TNFRSF10D: variants seen among roughly 807,000 people sequenced by gnomAD.
TNFRSF10D encodes the protein tumor necrosis factor receptor superfamily member 10D.
TNFRSF10D carries 28 observed loss-of-function variants against 42.1 expected under a neutral mutation model. The observed-to-expected ratio is 0.66, with a 90% CI of 0.49 to 0.91. The LOEUF (loss-of-function observed/expected upper bound fraction) is 0.91. Ranked by LOEUF, TNFRSF10D falls within the 40% of genes least tolerant of loss-of-function variation. TNFRSF10D has a pLI of 0.00. For synonymous variants in TNFRSF10D, 186 were observed against 189.4 expected, an observed-to-expected ratio of 0.98 and a Z score of 0.15; for missense variants, 503 against 486.1, an observed-to-expected ratio of 1.03 and a Z score of -0.33.
At chr8:23,150,661 G>A (rs144736287) in intron 2 of TNFRSF10D, among the ~76,000 whole-genome samples, 936 of 152,182 alleles carry the variant, frequency 6.2e-3, no homozygotes, top group African/African-American at 0.019. Context: ...GTCATGTCAG[G>A]AAAACAATAC....
At chr8:23,143,537 T>C (rs1378332404) in intron 7 of TNFRSF10D, among the ~76,000 whole-genome samples, 34 of 150,186 alleles carry the variant, frequency 2.3e-4, no homozygotes, top group Admixed American at 2.2e-3. Context: ...TTTATTTCCT[T>C]ACCTTTTTAT....
chr8:23,149,102 A>G (rs1206198015), intron 2 of TNFRSF10D, among the ~76,000 whole-genome samples: 3 of 144,134 alleles, frequency 2.1e-5, no homozygotes, highest in Non-Finnish European at 4.5e-5. Flanking sequence ...AGGCAGGAGA[A>G]TGGCGTGAAC....
intron 6 of TNFRSF10D, 38 bp from the exon 7 acceptor site, chr8:23,144,673 G>C: frequency 6.3e-7 from 1 of 1,594,888 alleles, no homozygotes; most frequent in East Asian, 2.2e-5. Flanking sequence ...TCCACACCCC[G>C]GGCTCAGCTT....
intron 1 of TNFRSF10D, among the ~76,000 whole-genome samples, chr8:23,156,503 T>C (rs1247268254): frequency 6.6e-6 from 1 of 152,128 alleles, no homozygotes; most frequent in Non-Finnish European, 1.5e-5. Flanking sequence ...TCTGTCACCT[T>C]TCTCTGCTCT....
intron 4 of TNFRSF10D, 60 bp downstream of exon 4, chr8:23,146,901 G>C (rs992106869): frequency 7.5e-5 from 103 of 1,370,478 alleles, no homozygotes; most frequent in Non-Finnish European, 1.1e-4. Flanking sequence ...AGAGGTACCA[G>C]GTGAATCAGG....
At chr8:23,142,583 C>T (rs1005428668) in intron 7 of TNFRSF10D, among the ~76,000 whole-genome samples, 2 of 152,080 alleles carry the variant, frequency 1.3e-5, no homozygotes, top group Non-Finnish European at 2.9e-5. Flanking sequence ...ACAATAGACA[C>T]TGGGGACTAC....
At chr8:23,138,024 T>C in intron 8 of TNFRSF10D, 21 bp from the exon 9 acceptor site, 1 of 1,613,534 alleles carries the variant, frequency 6.2e-7, no homozygotes, top group South Asian at 1.1e-5. Flanking sequence ...AGAAGAGATT[T>C]AGGGTCTCAA....
Position 23,163,771 on chromosome 8 carries a change from G to A in TNFRSF10D, c.150+15C>T, listed in dbSNP as rs952159699. 12 of 1,606,960 alleles carry A rather than the reference G, an allele frequency of 7.5e-6. No homozygotes were observed. The highest frequency in any genetic ancestry group is 4.0e-5 in the African/African-American group (3 of 74,608). On this transcript the variant is annotated intron_variant, in intron 1 of 8. Coordinates refer to ENST00000312584, the MANE Select transcript of TNFRSF10D (RefSeq NM_003840.5). The stretch of plus-strand genomic sequence containing the variant: ...GTGCGCTCTTCCCCAGCCAGGGACC[G>A]CGGCGGAGACTCACCGGCAGCAGAA...
chr8:23,141,662 T>C (rs902078098), intron 7 of TNFRSF10D, among the ~76,000 whole-genome samples: 1 of 151,774 alleles, frequency 6.6e-6, no homozygotes, highest in South Asian at 2.1e-4. Flanking sequence ...GCAAAAGACA[T>C]GAACACACAT....
At chr8:23,154,373 G>T (rs1452635256) in intron 2 of TNFRSF10D, among the ~76,000 whole-genome samples, 1 of 152,100 alleles carries the variant, frequency 6.6e-6, no homozygotes, top group Non-Finnish European at 1.5e-5. Flanking sequence ...ATATTCCATG[G>T]AACAAACTCT....
In TNFRSF10D at chr8:23,153,311, C is replaced by A. The variant is rs138448659; in HGVS notation, c.256+1563G>T. Reference sequence around the variant, plus strand: ...AAAATCTTCATGACGTTGGTGTGGGCATTGATTTCTTGGCTATGACCCCAA... The same window carrying A: ...AAAATCTTCATGACGTTGGTGTGGGAATTGATTTCTTGGCTATGACCCCAA... On this transcript the variant is annotated intron_variant, in intron 2 of 8. Transcript: ENST00000312584. 1.3e-3 allele frequency among the ~76,000 whole-genome samples: 195 copies of A among 152,230 alleles called. 3 individuals are homozygous for A. Among genetic ancestry groups the A allele is most frequent in the African/African-American group, 4.6e-3 (189 of 41,538 alleles).
chr8:23,142,400 A>C (rs138322390), intron 7 of TNFRSF10D, among the ~76,000 whole-genome samples: 1 of 152,224 alleles, frequency 6.6e-6, no homozygotes, highest in Non-Finnish European at 1.5e-5. Flanking sequence ...TATACACCAT[A>C]GGTTACCACA....
intron 4 of TNFRSF10D, among the ~76,000 whole-genome samples, chr8:23,146,311 C>T (rs1443508190): frequency 6.6e-6 from 1 of 152,218 alleles, no homozygotes; most frequent in African/African-American, 2.4e-5. Context: ...CTCGCCCCAC[C>T]CTGTCTGCCG....
At chr8:23,149,195 A>AG (rs1321987733) in intron 2 of TNFRSF10D, among the ~76,000 whole-genome samples, 2 of 150,086 alleles carry the variant, frequency 1.3e-5, no homozygotes, top group African/African-American at 4.9e-5. Context: ...GTCTCAAAAA[A>AG]AAAAAAAAAA....
rs982567140 is a variant in TNFRSF10D at position 23,148,973 on chromosome 8, G to A, written c.257-422C>T. 3.4e-4 allele frequency among the ~76,000 whole-genome samples: 51 copies of A among 151,628 alleles called. No homozygotes were observed. In the East Asian group the frequency reaches 3.6e-3, roughly 11 times the overall value. On this transcript the variant is annotated intron_variant, in intron 2 of 8. Coordinates refer to ENST00000312584, the MANE Select transcript of TNFRSF10D (RefSeq NM_003840.5). ...AGGGAGGCCAAGGCGGACGAATCACGAGGTCAGGAGATCGAGACCATCCTG... is the reference window on the plus strand; with the variant it reads ...AGGGAGGCCAAGGCGGACGAATCACAAGGTCAGGAGATCGAGACCATCCTG...
intron 7 of TNFRSF10D, among the ~76,000 whole-genome samples, chr8:23,141,338 C>G (rs1319896525): frequency 2.0e-5 from 3 of 151,986 alleles, no homozygotes; most frequent in African/African-American, 7.3e-5. Flanking sequence ...AACCCCATCT[C>G]TACTAAAAAT....
chr8:23,162,677 C>A (rs892554482), intron 1 of TNFRSF10D, among the ~76,000 whole-genome samples: 2 of 152,172 alleles, frequency 1.3e-5, no homozygotes, highest in East Asian at 3.8e-4. Flanking sequence ...AACTTTACAT[C>A]TTTTATGCCT....
chr8:23,156,950 A>G (rs181972924), intron 1 of TNFRSF10D, among the ~76,000 whole-genome samples: 796 of 151,966 alleles, frequency 5.2e-3, no homozygotes, highest in African/African-American at 0.017. Context: ...ATTTATGCTT[A>G]TATTTTATGA....
rs575804643 is a variant in TNFRSF10D, at chr8:23,163,727, T to G, written c.150+59A>C. 1.5e-4 allele frequency: 232 copies of G among 1,579,524 alleles called. No individual in the cohort carries two copies. In the African/African-American group the frequency reaches 2.7e-3, roughly 18 times the overall value. On this transcript the variant is annotated intron_variant, in intron 1 of 8. Transcript: ENST00000312584. The stretch of plus-strand genomic sequence containing the variant: ...TCCCCACCGTGTCCCCCTCTCTCCC[T>G]GCCCACTCCCGGCGCCAGGTGCGCT...
Sources: gnomAD v4.1 joint callset for allele counts (sites outside exome capture counted in the v4.1 genomes callset) on GRCh38, gnomAD v4.1.1 for gene constraint, MANE v1.5 for transcripts, NCBI Gene and HGNC (gene_info 2026-07-23, HGNC 2026-07-21) for gene names.